BDP1: variants seen among roughly 807,000 people sequenced by gnomAD.
BDP1 encodes transcription factor TFIIIB component B'' homolog.
In BDP1, 169 loss-of-function variants were observed where a neutral mutation model predicts 266.6. That is an observed-to-expected ratio of 0.63 (90% CI 0.56 to 0.72). BDP1 has a LOEUF of 0.72. BDP1 is among the 30% of genes least tolerant of loss of function. BDP1 has a pLI of 0.00. For synonymous variants in BDP1, 1,090 were observed against 1,022.4 expected, an observed-to-expected ratio of 1.07 and a Z score of -1.26; for missense variants, 3,015 against 3,053.8, an observed-to-expected ratio of 0.99 and a Z score of 0.30.
At chr5:71,549,727 T>A (rs768308568) in intron 34 of BDP1, 121 bp downstream of exon 34, 42 of 767,050 alleles carry the variant, frequency 5.5e-5, no homozygotes, top group Non-Finnish European at 7.3e-5. Context: ...TTATTTATCA[T>A]TTATGTGGTA....
intron 7 of BDP1, among the ~76,000 whole-genome samples, 181 bp from the exon 8 acceptor site, chr5:71,483,661 A>T (rs1455700073): frequency 6.6e-6 from 1 of 152,248 alleles, no homozygotes; most frequent in Non-Finnish European, 1.5e-5. Context: ...AAGCTCAGTA[A>T]AAATCTTTCA....
intron 18 of BDP1, among the ~76,000 whole-genome samples, chr5:71,512,658 A>G (rs1368578182): frequency 6.6e-6 from 1 of 152,096 alleles, no homozygotes; most frequent in African/African-American, 2.4e-5. Context: ...ATAGACTCAT[A>G]TTTTCTTTGT....
chr5:71,461,455 A>G (rs996676950), intron 2 of BDP1, among the ~76,000 whole-genome samples: 1 of 151,228 alleles, frequency 6.6e-6, no homozygotes, highest in East Asian at 1.9e-4. Flanking sequence ...AAAAAAAAAA[A>G]CCCCACAAAA....
chr5:71,546,617 C>CAAA (rs70992980), intron 32 of BDP1, among the ~76,000 whole-genome samples: 1 of 57,766 alleles, frequency 1.7e-5, no homozygotes, highest in Non-Finnish European at 2.8e-5. Context: ...GACTCTGTCT[C>CAAA]AAAAAAAAAA....
chr5:71,548,513 T>A (rs1266902490), intron 32 of BDP1, among the ~76,000 whole-genome samples, 169 bp from the exon 33 acceptor site: 1 of 152,230 alleles, frequency 6.6e-6, no homozygotes, highest in East Asian at 1.9e-4. Flanking sequence ...AATATTTATT[T>A]AAATGAATCA....
chr5:71,512,704 T>A lies in BDP1; in HGVS notation c.4247+276T>A, dbSNP rs573484688. Among the ~76,000 whole-genome samples, 39 of 152,278 alleles carry A rather than the reference T, an allele frequency of 2.6e-4. 1 individual carries two copies. Among genetic ancestry groups the A allele is most frequent in the Middle Eastern group, 6.8e-3 (2 of 294 alleles). On this transcript the variant is annotated intron_variant, in intron 18 of 38. Transcript: ENST00000358731. ...TGTAATTCCTAGGCTCATACCTGGA[T>A]TGTACCACTCATGGTTTTCAGGATC...
intron 6 of BDP1, among the ~76,000 whole-genome samples, chr5:71,468,989 T>G (rs965067823): frequency 1.3e-5 from 2 of 152,242 alleles, no homozygotes; most frequent in African/African-American, 4.8e-5. Context: ...AATATGCTGT[T>G]AAAAATCTGT....
chr5:71,461,635 A>G (rs934950418), intron 2 of BDP1, among the ~76,000 whole-genome samples, 182 bp from the exon 3 acceptor site: 4 of 152,132 alleles, frequency 2.6e-5, no homozygotes, highest in African/African-American at 7.2e-5. Flanking sequence ...AATAAAAACT[A>G]AAAGCTATTG....
chr5:71,462,527 G>A (rs1462621362), intron 3 of BDP1, among the ~76,000 whole-genome samples: 1 of 152,136 alleles, frequency 6.6e-6, no homozygotes, highest in Non-Finnish European at 1.5e-5. Context: ...ACCAAGGTGT[G>A]TGGGCCGCCT....
chr5:71,485,005 C>T (rs148039008), intron 8 of BDP1, among the ~76,000 whole-genome samples: 1 of 152,250 alleles, frequency 6.6e-6, no homozygotes, highest in African/African-American at 2.4e-5. Context: ...ATATTGTGCT[C>T]CTCAGCCCAT....
At chr5:71,516,579 A>G (rs371997308) in intron 21 of BDP1, among the ~76,000 whole-genome samples, 2 of 152,336 alleles carry the variant, frequency 1.3e-5, no homozygotes, top group South Asian at 2.1e-4. Context: ...ATTTATTTCC[A>G]TGCACACATT....
At chr5:71,541,295 G>A (rs1766948189) in intron 28 of BDP1, among the ~76,000 whole-genome samples, 159 bp from the exon 29 acceptor site, 1 of 152,038 alleles carries the variant, frequency 6.6e-6, no homozygotes, top group African/African-American at 2.4e-5. Context: ...GCCAACAAGG[G>A]CAAAATTTAT....
intron 16 of BDP1, 63 bp downstream of exon 16, chr5:71,504,814 GT>G: frequency 6.5e-7 from 1 of 1,528,710 alleles, no homozygotes; most frequent in Non-Finnish European, 9.0e-7. Context: ...AACTCAATCA[GT>G]TTTTTAAAGC....
chr5:71,544,939 G>A, intron 31 of BDP1, 100 bp from the exon 32 acceptor site: 3 of 520,472 alleles, frequency 5.8e-6, no homozygotes, highest in Non-Finnish European at 1.0e-5. Flanking sequence ...TTAAAAGTTT[G>A]AAAACCATTG....
chr5:71,563,507 A>G (rs1743824386), intron 38 of BDP1, among the ~76,000 whole-genome samples: 1 of 151,910 alleles, frequency 6.6e-6, no homozygotes, highest in Non-Finnish European at 1.5e-5. Flanking sequence ...TTTTCTCTGT[A>G]TGTCATTTGT....
At chr5:71,495,037 A>G (rs1482126117) in intron 11 of BDP1, 2 of 343,560 alleles carry the variant, frequency 5.8e-6, no homozygotes, top group Non-Finnish European at 1.0e-5. Flanking sequence ...TAAGCGTGTA[A>G]ATTTGTGGCT....
chr5:71,544,036 C>T (rs1448362063), intron 30 of BDP1, among the ~76,000 whole-genome samples: 2 of 152,214 alleles, frequency 1.3e-5, no homozygotes. Context: ...ACTAGCCCAA[C>T]CTCGGTGTAC....
chr5:71,509,952 G>A lies in BDP1; in HGVS notation c.2860G>A (p.Glu954Lys). 6.2e-7 allele frequency: 1 copy of A among 1,613,650 alleles called. No homozygotes were observed. The highest frequency in any genetic ancestry group is 1.1e-5 in the South Asian group (1 of 91,032). ...PEEVKPLGEVETDLKATGNES... is the reference protein window; with the variant it reads ...PEEVKPLGEVKTDLKATGNES... ...GGAGGTTAAGCCTCTAGGTGAAGTG[G>A]AGACAGATTTGAAAGCAACTGGAAA... The change falls in exon 17 of 39, where the codon GAG becomes AAG. Residue 954 changes from glutamate (E) to lysine (K), a missense_variant. Glu to Lys is a moderately conservative substitution (Grantham distance 56). Coordinates refer to ENST00000358731, the MANE Select transcript of BDP1 (RefSeq NM_018429.3).
intron 34 of BDP1, among the ~76,000 whole-genome samples, chr5:71,552,325 C>T (rs1374839500): frequency 3.3e-5 from 5 of 151,054 alleles, no homozygotes; most frequent in Non-Finnish European, 5.9e-5. Context: ...AGGCGCTCCT[C>T]ACTTCCTAGA....
Sources: allele counts gnomAD v4.1 joint callset (sites outside exome capture counted in the v4.1 genomes callset), GRCh38; gene constraint gnomAD v4.1.1; transcripts MANE v1.5; gene names NCBI Gene and HGNC (gene_info 2026-07-23, HGNC 2026-07-21).